The following MINAR1 variants were observed in gnomAD, a reference collection of about 807,000 sequenced individuals.
MINAR1 encodes major intrinsically disordered Notch2-binding receptor 1.
A neutral mutation model predicts 65.1 loss-of-function variants in MINAR1; 40 were observed. That is an observed-to-expected ratio of 0.61 (90% CI 0.48 to 0.80). The LOEUF is 0.80. Ranked by LOEUF, MINAR1 falls within the 30% of genes least tolerant of loss-of-function variation. The probability of loss-of-function intolerance (pLI) is 0.00; values close to 1 mark genes in which losing one functional copy is unlikely to be tolerated. For synonymous variants in MINAR1, 482 were observed against 449.1 expected (o/e 1.07, Z -0.93); for missense variants, 1,128 against 1,148.0 (o/e 0.98, Z 0.25).
At chr15:79,449,439 C>A (rs1197844424) in intron 1 of MINAR1, among the ~76,000 whole-genome samples, 1 of 152,186 alleles carries the variant, frequency 6.6e-6, no homozygotes, top group Non-Finnish European at 1.5e-5. Flanking sequence ...GCTCTGGAGG[C>A]CGGGAAGTCC....
Position 79,469,504 on chromosome 15 carries a change from C to CA in MINAR1, c.*1126dup, listed in dbSNP as rs1895995849. 1 of 152,310 alleles carries CA rather than the reference C, an allele frequency of 6.6e-6. No homozygotes were observed. Among genetic ancestry groups the CA allele is most frequent in the Non-Finnish European group, 1.5e-5 (1 of 67,984 alleles). 9.4% of individuals were successfully genotyped at this position (152,310 alleles called of 1,614,324 possible). ...GAGTTTTGAATACTTGTCAGCAGTG[C>CA]AAAAAATATTATCTGTTTAACCACT... On this transcript the variant is annotated 3_prime_UTR_variant, in exon 4 of 4. Coordinates refer to ENST00000305428, the MANE Select transcript of MINAR1 (RefSeq NM_015206.3).
At chr15:79,450,334 T>C (rs1895150001) in intron 1 of MINAR1, among the ~76,000 whole-genome samples, 1 of 152,062 alleles carries the variant, frequency 6.6e-6, no homozygotes, top group Non-Finnish European at 1.5e-5. Flanking sequence ...CAGAAACAAG[T>C]TTTAGTGGGG....
intron 1 of MINAR1, among the ~76,000 whole-genome samples, chr15:79,433,955 T>C (rs11632308): frequency 0.014 from 2,121 of 152,218 alleles, 29 homozygotes; most frequent in East Asian, 0.065. Context: ...TTTCCTCTTG[T>C]GTATCAGAGG....
At chr15:79,445,286 T>C (rs1439635410) in intron 1 of MINAR1, among the ~76,000 whole-genome samples, 1 of 152,116 alleles carries the variant, frequency 6.6e-6, no homozygotes. Flanking sequence ...ATCATCCCCA[T>C]TTTGCAGATA....
chr15:79,458,573 T>G, intron 2 of MINAR1, 128 bp downstream of exon 2: 1 of 1,167,976 alleles, frequency 8.6e-7, no homozygotes, highest in South Asian at 1.6e-5. Context: ...TCCTTCCAGG[T>G]TTGGCAGGGT....
intron 2 of MINAR1, among the ~76,000 whole-genome samples, chr15:79,460,714 T>C (rs555297706): frequency 1.3e-5 from 2 of 152,352 alleles, no homozygotes; most frequent in South Asian, 4.1e-4. Flanking sequence ...TCTCTGACTC[T>C]CCTTTGCCTC....
At chr15:79,412,340 C>T in the MINAR1 span, 3 of 152,654 alleles carry the variant, frequency 2.0e-5, no homozygotes, top group East Asian at 5.8e-4. Context: ...GCCTCCTCCT[C>T]CCCACACCAT....
intron 1 of MINAR1, among the ~76,000 whole-genome samples, chr15:79,439,193 T>G (rs1266717745): frequency 6.0e-4 from 3 of 4,978 alleles, no homozygotes; most frequent in Non-Finnish European, 9.6e-4. Flanking sequence ...GTGTGTGGAG[T>G]GTGGGGTGGG....
At chr15:79,455,977 T>G (rs1205112677) in intron 1 of MINAR1, 121 bp from the exon 2 acceptor site, 1 of 610,802 alleles carries the variant, frequency 1.6e-6, no homozygotes, top group Non-Finnish European at 2.8e-6. Context: ...TATTACATTT[T>G]TAATCATTAA....
chr15:79,468,000 G>T (rs1019160251), intron 3 of MINAR1, among the ~76,000 whole-genome samples, 187 bp from the exon 4 acceptor site: 2 of 152,154 alleles, frequency 1.3e-5, no homozygotes, highest in African/African-American at 2.4e-5. Flanking sequence ...TATGCAATCT[G>T]TGATATGTGG....
chr15:79,467,777 T>A (rs1895924541), intron 3 of MINAR1, among the ~76,000 whole-genome samples: 1 of 152,266 alleles, frequency 6.6e-6, no homozygotes, highest in Non-Finnish European at 1.5e-5. Flanking sequence ...TGGTCTTGTT[T>A]CAAGCAGATC....
chr15:79,455,577 G>A (rs1162797451), intron 1 of MINAR1, among the ~76,000 whole-genome samples: 1 of 152,044 alleles, frequency 6.6e-6, no homozygotes. Context: ...CCAGGTCTTG[G>A]CAACCACTGA....
upstream of MINAR1, among the ~76,000 whole-genome samples, chr15:79,431,459 A>G (rs1894432861): frequency 6.8e-6 from 1 of 146,984 alleles, no homozygotes. Context: ...TTGGAAACCC[A>G]TCCCAGTTTC....
intron 1 of MINAR1, among the ~76,000 whole-genome samples, chr15:79,455,509 T>C (rs2141292315): frequency 6.6e-6 from 1 of 152,284 alleles, no homozygotes; most frequent in Non-Finnish European, 1.5e-5. Context: ...TGTAGAACAA[T>C]GATATCATTT....
intron 1 of MINAR1, among the ~76,000 whole-genome samples, chr15:79,442,850 T>G (rs1214440508): frequency 6.6e-6 from 1 of 152,206 alleles, no homozygotes; most frequent in Non-Finnish European, 1.5e-5. Context: ...CATATACCAG[T>G]GAAATTAAAC....
In MINAR1 at chr15:79,458,250, A is replaced by T. The variant is rs1895513030; in HGVS notation, c.2103A>T (p.Lys701Asn). 6.2e-7 allele frequency: 1 copy of T among 1,614,026 alleles called. No individual in the cohort carries two copies. Among genetic ancestry groups the T allele is most frequent in the African/African-American group, 1.3e-5 (1 of 74,910 alleles). Reference sequence around the variant, plus strand: ...GCCTGCGGGTCAAGGCCTTAAAAAAAAGCCTCTTCACCAGGCCATCCTCTA... The same window carrying T: ...GCCTGCGGGTCAAGGCCTTAAAAAATAGCCTCTTCACCAGGCCATCCTCTA... ...SESLRVKALK[K>N]SLFTRPSSRS... Residue 701 changes from lysine to asparagine, a missense_variant, in exon 2 of 4, where the codon AAA becomes AAT. Physicochemically the swap from Lys to Asn is moderately conservative, Grantham distance 94. Transcript: ENST00000305428.
At chr15:79,432,203 G>A (rs554652131), upstream of MINAR1, among the ~76,000 whole-genome samples, 204 of 152,148 alleles carry the variant, frequency 1.3e-3, no homozygotes, top group Middle Eastern at 6.8e-3. Flanking sequence ...GAGCGCGGGC[G>A]TCATGCGAGA....
At chr15:79,427,457 C>G (rs1196206907), upstream of MINAR1, 1 of 152,182 alleles carries the variant, frequency 6.6e-6, no homozygotes, top group African/African-American at 2.4e-5. Context: ...TTCTGGATCT[C>G]ATTTTTATGA....
chr15:79,447,695 T>C (rs1654556019), intron 1 of MINAR1, among the ~76,000 whole-genome samples: 1 of 152,208 alleles, frequency 6.6e-6, no homozygotes, highest in Admixed American at 6.5e-5. Context: ...ACTGATTTTT[T>C]ACATTAATTT....
Sources: allele counts gnomAD v4.1 joint callset (sites outside exome capture counted in the v4.1 genomes callset), GRCh38; gene constraint gnomAD v4.1.1; transcripts MANE v1.5; gene names NCBI Gene and HGNC (gene_info 2026-07-23, HGNC 2026-07-21).